GLT8D1: variants seen among roughly 807,000 people sequenced by gnomAD.
GLT8D1 encodes glycosyltransferase 8 domain-containing protein 1.
GLT8D1 carries 41 observed loss-of-function variants against 46.2 expected under a neutral mutation model. That is an observed-to-expected ratio of 0.89 (90% CI 0.69 to 1.15). The LOEUF is 1.15. GLT8D1 is among the 50% of genes most tolerant of loss of function. GLT8D1 has a pLI of 0.00. For missense variants in GLT8D1, 408 were observed against 449.3 expected (o/e 0.91, Z 0.83); for synonymous variants, 150 against 154.2 (o/e 0.97, Z 0.20).
rs762681832 is a variant in GLT8D1, at chr3:52,696,511, C to T, written c.447+31G>A. ...GGTATTCCATTATTTCCTAATACTG[C>T]CAAGTGCAAAGAAGGATGCATGGAA... On this transcript the variant is annotated intron_variant, in intron 5 of 9. Transcript: ENST00000266014. 4 of 1,191,270 alleles carry T rather than the reference C, an allele frequency of 3.4e-6. No homozygotes were observed. In the South Asian group the frequency reaches 4.9e-5, roughly 14 times the overall value. 73.8% of individuals were successfully genotyped at this position (1,191,270 alleles called of 1,614,324 possible).
chr3:52,696,213 T>A (rs1201767250), intron 6 of GLT8D1, 21 bp downstream of exon 6: 1 of 1,507,822 alleles, frequency 6.6e-7, no homozygotes, highest in Non-Finnish European at 9.2e-7. Context: ...AGAACAGCAC[T>A]CATGGTGACA....
At chr3:52,703,272 AAATT>A (rs1260091668) in intron 1 of GLT8D1, 1 of 151,416 alleles carries the variant, frequency 6.6e-6, no homozygotes, top group Non-Finnish European at 1.5e-5. Flanking sequence ...AAAATACAAA[AAATT>A]AGCCAGGCAT....
rs2097333787 is a variant in GLT8D1 at position 52,696,522 on chromosome 3, G to A, written c.447+20C>T. The A allele has an allele frequency of 8.0e-7, 1 of 1,257,022 alleles. No homozygotes were observed. Among genetic ancestry groups the A allele is most frequent in the Non-Finnish European group, 1.2e-6 (1 of 854,436 alleles). 77.9% of individuals were successfully genotyped at this position (1,257,022 alleles called of 1,614,324 possible). A position where few individuals can be genotyped will look rare whatever the true frequency, so the allele number is the denominator to read the frequency against. On this transcript the variant is annotated intron_variant, in intron 5 of 9. Transcript: ENST00000266014. The stretch of plus-strand genomic sequence containing the variant: ...ATTTCCTAATACTGCCAAGTGCAAA[G>A]AAGGATGCATGGAACTCACAGGTTT...
At chr3:52,702,055 G>T (rs2097339821) in intron 1 of GLT8D1, among the ~76,000 whole-genome samples, 1 of 152,048 alleles carries the variant, frequency 6.6e-6, no homozygotes, top group African/African-American at 2.4e-5. Flanking sequence ...TTTTTAGACA[G>T]GGTCTCACCA....
chr3:52,704,012 G>A (rs1441505340), intron 1 of GLT8D1: 2 of 152,072 alleles, frequency 1.3e-5, no homozygotes, highest in Non-Finnish European at 1.5e-5. Context: ...AGTATCAGTC[G>A]GGGATTGGCT....
chr3:52,697,973 G>A lies in GLT8D1; in HGVS notation c.116-39C>T, dbSNP rs767731154. The A allele has an allele frequency of 4.0e-6, 5 of 1,263,040 alleles. No individual in the cohort carries two copies. The South Asian group carries it at 6.0e-5, about 15-fold the overall frequency. 78.2% of individuals were successfully genotyped at this position (1,263,040 alleles called of 1,614,324 possible). On this transcript the variant is annotated intron_variant, in intron 3 of 9. Coordinates refer to ENST00000266014, the MANE Select transcript of GLT8D1 (RefSeq NM_018446.4). ...GAAGGCACTGTGATTACAATCTCAT[G>A]GGCTTTTGATATAGAGTCCAAGACA...
chr3:52,702,599 G>A (rs953220870), intron 1 of GLT8D1, among the ~76,000 whole-genome samples: 78 of 152,138 alleles, frequency 5.1e-4, no homozygotes, highest in African/African-American at 1.8e-3. Flanking sequence ...AGGCACTGTG[G>A]CTGATACCCA....
In GLT8D1 at chr3:52,696,610, T is replaced by G; in HGVS notation, c.379A>C (p.Asn127His). ...CCTTCCAAAAGTTTAGGGTCAAAAT[T>G]GACAATTTTGTATCTGATGCTTTTC... ...SLKSIRYKIV[N>H]FDPKLLEGKV... The change falls in exon 5 of 10, where the codon AAT becomes CAT. Residue 127 changes from asparagine (N) to histidine (H), a missense_variant. By Grantham distance (68) the Asn-to-His change is moderately conservative. Coordinates refer to ENST00000266014, the MANE Select transcript of GLT8D1 (RefSeq NM_018446.4). The G allele has an allele frequency of 6.2e-7, 1 of 1,611,504 alleles. No individual in the cohort carries two copies. Among genetic ancestry groups the G allele is most frequent in the Non-Finnish European group, 8.5e-7 (1 of 1,177,622 alleles).
intron 1 of GLT8D1, chr3:52,703,688 G>GGCACACTT (rs1228550641): frequency 6.6e-6 from 1 of 152,166 alleles, no homozygotes; most frequent in Non-Finnish European, 1.5e-5. Context: ...GGGATCAAGA[G>GGCACACTT]GCACACTTGG....
At chr3:52,696,789 C>T (rs1280989956) in intron 4 of GLT8D1, 130 bp from the exon 5 acceptor site, 1 of 624,836 alleles carries the variant, frequency 1.6e-6, no homozygotes, top group Admixed American at 2.7e-5. Context: ...CTTTGGTTTC[C>T]TCGTCTGAAG....
rs376816132 is a variant in GLT8D1 at position 52,696,657 on chromosome 3, G to A, written c.332C>T (p.Ser111Phe). 1.3e-5 allele frequency: 20 copies of A among 1,536,890 alleles called. No homozygotes were observed. Among genetic ancestry groups the A allele is most frequent in the Non-Finnish European group, 1.8e-5 (20 of 1,109,948 alleles). Residue 111 changes from serine to phenylalanine, a missense_variant and splice_region_variant, in exon 5 of 10, where the codon TCC (serine) becomes TTC (phenylalanine). Ser to Phe is a radical substitution (Grantham distance 155). Coordinates refer to ENST00000266014, the MANE Select transcript of GLT8D1 (RefSeq NM_018446.4). Reference protein sequence around the residue: ...TLNNTADHLRSWLNSDSLKSI... With the variant: ...TLNNTADHLRFWLNSDSLKSI... Reference sequence around the variant, plus strand: ...TTTCAGGGAATCACTGTTGAGCCAGGACCTGATGAAGATAAAACACTACAT... The same window carrying A: ...TTTCAGGGAATCACTGTTGAGCCAGAACCTGATGAAGATAAAACACTACAT...
intron 3 of GLT8D1, 26 bp from the exon 4 acceptor site, chr3:52,697,960 A>G (rs760229853): frequency 5.0e-6 from 7 of 1,401,346 alleles, no homozygotes; most frequent in Non-Finnish European, 7.1e-6. Context: ...AGGCACTGTG[A>G]TTACAATCTC....
In GLT8D1 at chr3:52,695,315, G is replaced by A. The variant is rs1249730360; in HGVS notation, c.813-13C>T. ...ATACAGTCCCTCTCTTGGTGGGACA[G>A]AAAACAAATGTTTGTTAGTGAAAAG... On this transcript the variant is annotated splice_polypyrimidine_tract_variant and intron_variant, in intron 8 of 9. Transcript: ENST00000266014. The A allele has an allele frequency of 1.3e-6, 2 of 1,598,606 alleles. No individual in the cohort carries two copies. The highest frequency in any genetic ancestry group is 1.1e-5 in the South Asian group (1 of 90,562).
chr3:52,700,555 G>C, intron 1 of GLT8D1, 59 bp from the exon 2 acceptor site: 1 of 708,192 alleles, frequency 1.4e-6, no homozygotes, highest in South Asian at 1.9e-5. Context: ...ACATCAAAAT[G>C]CCCTAACACT....
chr3:52,696,663 A>G lies in GLT8D1; in HGVS notation c.330-4T>C, dbSNP rs756283112. ...GGAATCACTGTTGAGCCAGGACCTG[A>G]TGAAGATAAAACACTACATTTTAGT... On this transcript the variant is annotated splice_polypyrimidine_tract_variant and splice_region_variant and intron_variant, in intron 4 of 9. Coordinates refer to ENST00000266014, the MANE Select transcript of GLT8D1 (RefSeq NM_018446.4). The G allele has an allele frequency of 2.0e-6, 3 of 1,493,180 alleles. No individual in the cohort carries two copies. Among genetic ancestry groups the G allele is most frequent in the East Asian group, 2.3e-5 (1 of 44,326 alleles). The allele number at this position is 1,493,180 out of a possible 1,614,324, so 92.5% of individuals were successfully genotyped here. A position where few individuals can be genotyped will look rare whatever the true frequency, so the allele number is the denominator to read the frequency against.
At chr3:52,699,758 A>AT (rs1199016454) in intron 3 of GLT8D1, among the ~76,000 whole-genome samples, 1 of 152,210 alleles carries the variant, frequency 6.6e-6, no homozygotes, top group East Asian at 1.9e-4. Context: ...GGGGAAAGCT[A>AT]TTACAGTCTC....
Position 52,696,668 on chromosome 3 carries a change from G to A in GLT8D1, c.330-9C>T, listed in dbSNP as rs766440617. ...CACTGTTGAGCCAGGACCTGATGAAGATAAAACACTACATTTTAGTTTCAA... is the reference window on the plus strand; with the variant it reads ...CACTGTTGAGCCAGGACCTGATGAAAATAAAACACTACATTTTAGTTTCAA... On this transcript the variant is annotated splice_polypyrimidine_tract_variant and intron_variant, in intron 4 of 9. Coordinates refer to ENST00000266014, the MANE Select transcript of GLT8D1 (RefSeq NM_018446.4). 2 of 1,399,904 alleles carry A rather than the reference G, an allele frequency of 1.4e-6. No individual in the cohort carries two copies. Among genetic ancestry groups the A allele is most frequent in the Non-Finnish European group, 2.0e-6 (2 of 985,244 alleles). The allele number at this position is 1,399,904 out of a possible 1,614,324, so 86.7% of individuals were successfully genotyped here. A position where few individuals can be genotyped will look rare whatever the true frequency, so the allele number is the denominator to read the frequency against.
At position 52,694,796 on chromosome 3, in the gene GLT8D1, A is replaced by G. The variant is rs768737199; in HGVS notation, c.*49T>C. ...GCAACTGTTACTTCCCACGCATGCTATCTTCCAGGACTTCCTGAGAAATGC... is the reference window on the plus strand; with the variant it reads ...GCAACTGTTACTTCCCACGCATGCTGTCTTCCAGGACTTCCTGAGAAATGC... On this transcript the variant is annotated 3_prime_UTR_variant, in exon 10 of 10. Coordinates refer to ENST00000266014, the MANE Select transcript of GLT8D1 (RefSeq NM_018446.4). The G allele has an allele frequency of 3.4e-5, 45 of 1,307,706 alleles. No homozygotes were observed. The highest frequency in any genetic ancestry group is 1.8e-4 in the Middle Eastern group (1 of 5,504). 81.0% of individuals were successfully genotyped at this position (1,307,706 alleles called of 1,614,324 possible). A position where few individuals can be genotyped will look rare whatever the true frequency, so the allele number is the denominator to read the frequency against.
rs548648907 is a variant in GLT8D1 at position 52,694,729 on chromosome 3, C to A, written c.*116G>T. ...GTTTGTCATCTTTACCTAGCTGACA[C>A]ATCTTTTTCCATGGCTTGCTACCGA... is the stretch of plus-strand genomic sequence containing the variant. On this transcript the variant is annotated 3_prime_UTR_variant, in exon 10 of 10. Coordinates refer to ENST00000266014, the MANE Select transcript of GLT8D1 (RefSeq NM_018446.4). 1 of 757,566 alleles carries A rather than the reference C, an allele frequency of 1.3e-6. No individual in the cohort carries two copies. The highest frequency in any genetic ancestry group is 2.0e-5 in the Admixed American group (1 of 50,942). The allele number at this position is 757,566 out of a possible 1,614,324, so 46.9% of individuals were successfully genotyped here.
Sources: allele counts gnomAD v4.1 joint callset (sites outside exome capture counted in the v4.1 genomes callset), GRCh38; gene constraint gnomAD v4.1.1; transcripts MANE v1.5; gene names NCBI Gene and HGNC (gene_info 2026-07-23, HGNC 2026-07-21).